The following TIAM1 variants were observed in gnomAD, a reference collection of about 807,000 sequenced individuals.
TIAM1 encodes rho guanine nucleotide exchange factor TIAM1.
Under a neutral mutation model 163.5 loss-of-function variants are expected in TIAM1, and 65 were observed. The observed-to-expected ratio is 0.40, with a 90% CI of 0.33 to 0.49. The LOEUF (loss-of-function observed/expected upper bound fraction) is 0.49, where lower values mean the gene tolerates loss of function less well. Among genes scored for constraint, TIAM1 ranks in the 20% least tolerant of loss-of-function variants. The pLI is 0.77. For missense variants in TIAM1, 1,789 were observed against 2,044.7 expected, an observed-to-expected ratio of 0.87 and a Z score of 2.41; for synonymous variants, 833 against 810.1, an observed-to-expected ratio of 1.03 and a Z score of -0.48.
intron 1 of TIAM1, among the ~76,000 whole-genome samples, chr21:31,466,588 G>A (rs975258521): frequency 2.0e-5 from 3 of 152,142 alleles, no homozygotes; most frequent in Non-Finnish European, 2.9e-5. Context: ...TAACTCCAGG[G>A]AACAGAGGTC....
chr21:31,394,708 G>GCTCTCTCTCTCTCTCT (rs954246497), intron 2 of TIAM1, among the ~76,000 whole-genome samples: 71 of 105,266 alleles, frequency 6.7e-4, no homozygotes, highest in South Asian at 5.0e-3. Context: ...TCTCTCTCTC[G>GCTCTCTCTCTCTCTCT]CTCTCTCTCT....
At chr21:31,321,081 G>C (rs528864460) in intron 2 of TIAM1, among the ~76,000 whole-genome samples, 1 of 152,026 alleles carries the variant, frequency 6.6e-6, no homozygotes, top group Non-Finnish European at 1.5e-5. Flanking sequence ...GAGTCCAGGA[G>C]TTTGAGGCTA....
chr21:31,127,011 G>A (rs532022101), intron 26 of TIAM1, 54 bp downstream of exon 26: 32 of 1,568,304 alleles, frequency 2.0e-5, no homozygotes, highest in South Asian at 1.3e-4. Context: ...ACACCAAACC[G>A]TTCCAATCTG....
chr21:31,342,946 T>A (rs115902018), intron 1 of TIAM1, among the ~76,000 whole-genome samples: 2,260 of 152,316 alleles, frequency 0.015, 22 homozygotes, highest in South Asian at 0.032. Flanking sequence ...TGAGAGAGTC[T>A]GCCAATTCCG....
intron 1 of TIAM1, among the ~76,000 whole-genome samples, chr21:31,551,276 C>T (rs2048676746): frequency 6.6e-6 from 1 of 151,894 alleles, no homozygotes. Context: ...GACGTGGTGG[C>T]TCACACCTGT....
At chr21:31,139,555 G>A (rs2082752452) in intron 22 of TIAM1, among the ~76,000 whole-genome samples, 1 of 152,192 alleles carries the variant, frequency 6.6e-6, no homozygotes, top group African/African-American at 2.4e-5. Context: ...TCTATGTCTT[G>A]AAACCATAGT....
chr21:31,122,445 GAGTAA>G (rs2082038149), intron 27 of TIAM1, among the ~76,000 whole-genome samples: 1 of 152,096 alleles, frequency 6.6e-6, no homozygotes, highest in East Asian at 1.9e-4. Context: ...AAGTATCTAG[GAGTAA>G]AGTGTGTTAA....
chr21:31,210,948 A>AT lies in TIAM1; in HGVS notation c.2218-734dup, dbSNP rs11354478. On this transcript the variant is annotated intron_variant, in intron 10 of 27. Coordinates refer to ENST00000541036, the MANE Select transcript of TIAM1 (RefSeq NM_001353694.2). ...TCAAAGCAATGGTGAAGCCCCAATC[A>AT]TTTTTTTTTTTCAAAAAGATCATGT... is the stretch of plus-strand genomic sequence containing the variant. Among the ~76,000 whole-genome samples the AT allele has an allele frequency of 1.2e-3, 169 of 146,846 alleles. 1 individual carries two copies. The highest frequency in any genetic ancestry group is 7.1e-3 in the Middle Eastern group (2 of 280).
intron 1 of TIAM1, among the ~76,000 whole-genome samples, chr21:31,527,375 G>A (rs1443979553): frequency 1.3e-5 from 2 of 152,122 alleles, no homozygotes; most frequent in African/African-American, 4.8e-5. Flanking sequence ...CCACATTTAG[G>A]TGCCTCTCAA....
At position 31,195,257 on chromosome 21, in the gene TIAM1, T is replaced by C. The variant is rs755477180; in HGVS notation, c.2542A>G (p.Ile848Val). 2.5e-6 allele frequency: 4 copies of C among 1,613,692 alleles called. No homozygotes were observed. In the East Asian group the frequency reaches 6.7e-5, roughly 27 times the overall value. ...TCAGCAGCTGTATCTGACTTCTCAA[T>C]GTGGATGCTCTGAGTGACTTTTGGA... ...ICPKVTQSIHIEKSDTAADTY... is the reference protein window; with the variant it reads ...ICPKVTQSIHVEKSDTAADTY... The change falls in exon 13 of 28, where the codon ATT (isoleucine) becomes GTT (valine). Residue 848 changes from isoleucine (I) to valine (V), a missense_variant. Physicochemically the swap from Ile to Val is conservative, Grantham distance 29. Coordinates refer to ENST00000541036, the MANE Select transcript of TIAM1 (RefSeq NM_001353694.2).
chr21:31,368,471 C>T (rs2076536107), intron 2 of TIAM1, among the ~76,000 whole-genome samples: 1 of 152,136 alleles, frequency 6.6e-6, no homozygotes, highest in African/African-American at 2.4e-5. Context: ...ACTTCAAATC[C>T]AAAATATCCC....
chr21:31,279,716 G>A (rs576915916), intron 2 of TIAM1, among the ~76,000 whole-genome samples: 2 of 152,190 alleles, frequency 1.3e-5, no homozygotes, highest in African/African-American at 4.8e-5. Flanking sequence ...TCCCATTATC[G>A]TTTCTCAATA....
intron 2 of TIAM1, among the ~76,000 whole-genome samples, chr21:31,416,396 T>C (rs181823869): frequency 8.5e-5 from 13 of 152,312 alleles, no homozygotes; most frequent in Admixed American, 2.0e-4. Flanking sequence ...CAGTGTTGAT[T>C]GCTGAGATTT....
chr21:31,460,654 C>CT (rs776325669), intron 2 of TIAM1, among the ~76,000 whole-genome samples: 14 of 152,116 alleles, frequency 9.2e-5, no homozygotes, highest in Admixed American at 2.0e-4. Context: ...GGAAGTGCTA[C>CT]TGTTGAAGAA....
chr21:31,320,035 G>T (rs1240466035), intron 2 of TIAM1, among the ~76,000 whole-genome samples: 1 of 151,896 alleles, frequency 6.6e-6, no homozygotes, highest in East Asian at 1.9e-4. Flanking sequence ...CCAAAAAACT[G>T]AAACAACCCA....
intron 2 of TIAM1, among the ~76,000 whole-genome samples, chr21:31,377,966 G>A (rs62223372): frequency 0.23 from 35,597 of 151,478 alleles, 4,467 homozygotes; most frequent in Middle Eastern, 0.48. Flanking sequence ...AAGAAACCCC[G>A]TCTCTACTAA....
chr21:31,450,660 G>A (rs532318610), intron 2 of TIAM1, among the ~76,000 whole-genome samples: 1 of 152,264 alleles, frequency 6.6e-6, no homozygotes, highest in East Asian at 1.9e-4. Flanking sequence ...TAATTTATAA[G>A]AACAAAGTGT....
rs76978685 is a variant in TIAM1 at position 31,378,911 on chromosome 21, TTATAA to T, written c.-368-39494_-368-39490del. On this transcript the variant is annotated intron_variant, in intron 2 of 28. Transcript: ENST00000286827. The stretch of plus-strand genomic sequence containing the variant: ...GTATTATAAGTAATCTAGAGATTGC[TTATAA>T]TATATTGGAGAATGTGCATAGGTTT... 1.1e-4 allele frequency among the ~76,000 whole-genome samples: 17 copies of T among 152,316 alleles called. No homozygotes were observed. The East Asian group carries it at 2.9e-3, about 26-fold the overall frequency.
intron 2 of TIAM1, among the ~76,000 whole-genome samples, chr21:31,362,687 G>A (rs925976327): frequency 3.3e-5 from 5 of 151,720 alleles, no homozygotes; most frequent in East Asian, 3.9e-4. Flanking sequence ...GGCTGGTCAC[G>A]AACTCTTGAC....
Sources: gnomAD v4.1 joint callset for allele counts (sites outside exome capture counted in the v4.1 genomes callset) on GRCh38, gnomAD v4.1.1 for gene constraint, MANE v1.5 for transcripts, NCBI Gene and HGNC (gene_info 2026-07-23, HGNC 2026-07-21) for gene names.